The following ANO4 variants were observed in gnomAD, a reference collection of about 807,000 sequenced individuals.
ANO4 encodes anoctamin-4.
Under a neutral mutation model 141.9 loss-of-function variants are expected in ANO4, and 69 were observed. That is an observed-to-expected ratio of 0.49 (90% CI 0.40 to 0.59). ANO4 has a LOEUF of 0.59. Among genes scored for constraint, ANO4 ranks in the 20% least tolerant of loss-of-function variants. The probability of loss-of-function intolerance (pLI) is 0.00; values close to 1 mark genes in which losing one functional copy is unlikely to be tolerated. For synonymous variants in ANO4, 350 were observed against 394.3 expected, an observed-to-expected ratio of 0.89 and a Z score of 1.33; for missense variants, 894 against 1,162.2, an observed-to-expected ratio of 0.77 and a Z score of 3.36.
intron 7 of ANO4, among the ~76,000 whole-genome samples, chr12:100,978,204 A>T (rs553615992): frequency 4.1e-4 from 62 of 152,182 alleles, no homozygotes; most frequent in Non-Finnish European, 6.9e-4. Flanking sequence ...CACATAGGAG[A>T]TGGAGTGAAT....
At chr12:100,798,703 A>G (rs1386339684) in intron 1 of ANO4, among the ~76,000 whole-genome samples, 4 of 152,240 alleles carry the variant, frequency 2.6e-5, no homozygotes, top group African/African-American at 9.6e-5. Context: ...ACCAAATCAC[A>G]GCCCCAAAAT....
At chr12:101,102,387 C>G (rs1366303819) in intron 22 of ANO4, among the ~76,000 whole-genome samples, 1 of 152,082 alleles carries the variant, frequency 6.6e-6, no homozygotes, top group African/African-American at 2.4e-5. Context: ...CTAAAACTTG[C>G]GTTCGTATTT....
intron 8 of ANO4, among the ~76,000 whole-genome samples, chr12:101,009,108 A>C (rs1368980556): frequency 6.6e-6 from 1 of 152,120 alleles, no homozygotes; most frequent in African/African-American, 2.4e-5. Flanking sequence ...CTAACCCCCA[A>C]TATCTCAGAA....
intron 7 of ANO4, among the ~76,000 whole-genome samples, chr12:100,980,524 C>T (rs540921785): frequency 3.4e-4 from 52 of 152,154 alleles, no homozygotes; most frequent in South Asian, 2.1e-3. Context: ...AAATTCCCGT[C>T]GTATGAAATC....
chr12:101,111,153 C>A (rs893979348), intron 23 of ANO4, among the ~76,000 whole-genome samples: 3 of 152,234 alleles, frequency 2.0e-5, no homozygotes, highest in Non-Finnish European at 4.4e-5. Flanking sequence ...CCACATGAAA[C>A]AAGCACACAT....
chr12:100,849,088 A>G (rs564876694), intron 1 of ANO4, among the ~76,000 whole-genome samples: 8 of 152,342 alleles, frequency 5.3e-5, no homozygotes, highest in African/African-American at 1.9e-4. Context: ...ATAGTTAAAC[A>G]TGTAAATTAA....
chr12:100,955,445 G>A (rs770954852), intron 5 of ANO4, among the ~76,000 whole-genome samples: 10 of 152,110 alleles, frequency 6.6e-5, no homozygotes, highest in Admixed American at 2.0e-4. Flanking sequence ...CTGGGTTCTA[G>A]GAGAACAAGG....
intron 5 of ANO4, among the ~76,000 whole-genome samples, chr12:100,948,384 T>C (rs2042829549): frequency 6.6e-6 from 1 of 152,122 alleles, no homozygotes; most frequent in Admixed American, 6.5e-5. Context: ...GATCTCTGTT[T>C]CCATTGTTAA....
In ANO4 at chr12:101,086,674, T is replaced by A. The variant is rs1042781750; in HGVS notation, c.1551T>A (p.Ile517=). Residue 517 remains isoleucine, a synonymous_variant, in exon 17 of 28, where the codon ATT becomes ATA. Coordinates refer to ENST00000392977, the MANE Select transcript of ANO4 (RefSeq NM_001286615.2). ...SGIFFMICVV[I]AAVFGIVIYR... is the part of the protein sequence containing the mutation. ...CTTCCTGCCAGATCTGCGTGGTGAT[T>A]GCTGCCGTGTTCGGGATCGTCATTT... The A allele has an allele frequency of 6.2e-7, 1 of 1,613,682 alleles. No individual in the cohort carries two copies. Among genetic ancestry groups the A allele is most frequent in the Non-Finnish European group, 8.5e-7 (1 of 1,179,760 alleles).
chr12:100,723,388 A>G (rs1251446196), intron 1 of ANO4, among the ~76,000 whole-genome samples: 1 of 151,988 alleles, frequency 6.6e-6, no homozygotes, highest in African/African-American at 2.4e-5. Context: ...TGGCTTGTAG[A>G]TAGTCATCTT....
intron 1 of ANO4, among the ~76,000 whole-genome samples, chr12:100,719,632 T>C (rs564171325): frequency 2.6e-5 from 4 of 152,206 alleles, no homozygotes; most frequent in Non-Finnish European, 5.9e-5. Flanking sequence ...TATTCTTATC[T>C]TTAGCACAGG....
intron 3 of ANO4, among the ~76,000 whole-genome samples, chr12:100,771,127 T>C (rs1388941111): frequency 1.3e-5 from 2 of 152,212 alleles, no homozygotes; most frequent in African/African-American, 4.8e-5. Flanking sequence ...AGGAACGGGT[T>C]AAATTGGAAC....
intron 1 of ANO4, among the ~76,000 whole-genome samples, chr12:100,819,372 A>G (rs1015514193): frequency 6.6e-6 from 1 of 151,952 alleles, no homozygotes; most frequent in Non-Finnish European, 1.5e-5. Context: ...AAAGGGGAAA[A>G]GCTATGTAAT....
At chr12:100,801,079 C>T (rs976964351) in intron 1 of ANO4, among the ~76,000 whole-genome samples, 1 of 147,714 alleles carries the variant, frequency 6.8e-6, no homozygotes, top group African/African-American at 2.5e-5. Flanking sequence ...ACCTTACAGA[C>T]TGTTTGTCTA....
chr12:101,077,450 A>G (rs1215803903), intron 14 of ANO4, among the ~76,000 whole-genome samples: 1 of 152,182 alleles, frequency 6.6e-6, no homozygotes, highest in Non-Finnish European at 1.5e-5. Flanking sequence ...GATTCCTGAG[A>G]CAGCAAGACT....
intron 1 of ANO4, among the ~76,000 whole-genome samples, chr12:100,868,097 C>A (rs778917702): frequency 6.6e-6 from 1 of 152,120 alleles, no homozygotes; most frequent in Non-Finnish European, 1.5e-5. Flanking sequence ...TTTCAGAGAG[C>A]AACTTAAGTC....
At chr12:100,944,295 A>G (rs1298457899) in intron 5 of ANO4, among the ~76,000 whole-genome samples, 3 of 152,116 alleles carry the variant, frequency 2.0e-5, no homozygotes, top group Non-Finnish European at 4.4e-5. Flanking sequence ...GCTGCACAGT[A>G]CAGTGTGGAG....
chr12:100,815,359 C>T (rs1037084773), intron 1 of ANO4, among the ~76,000 whole-genome samples: 6 of 152,080 alleles, frequency 3.9e-5, no homozygotes, highest in African/African-American at 1.4e-4. Context: ...AGTCCTGGAA[C>T]TTGCCTTTCA....
In ANO4 at chr12:101,111,663, T is replaced by C; in HGVS notation, c.2403T>C (p.Tyr801=). The change falls in exon 24 of 28, where the codon TAT becomes TAC. Residue 801 remains tyrosine (Y), a synonymous_variant. Coordinates refer to ENST00000392977, the MANE Select transcript of ANO4 (RefSeq NM_001286615.2). ...CTGACTTTATCCCTCGCTTGGTGTA[T>C]GCTTATAAGTATGGACCTTGTGCAG... ...ITSDFIPRLV[Y]AYKYGPCAGQ... 1 of 1,613,282 alleles carries C rather than the reference T, an allele frequency of 6.2e-7. No individual in the cohort carries two copies. The highest frequency in any genetic ancestry group is 8.5e-7 in the Non-Finnish European group (1 of 1,179,636).
Sources: gnomAD v4.1 joint callset for allele counts (sites outside exome capture counted in the v4.1 genomes callset) on GRCh38, gnomAD v4.1.1 for gene constraint, MANE v1.5 for transcripts, NCBI Gene and HGNC (gene_info 2026-07-23, HGNC 2026-07-21) for gene names.